The following NECTIN3 variants were observed in gnomAD, a reference collection of about 807,000 sequenced individuals.
The protein encoded by NECTIN3 is nectin-3.
Under a neutral mutation model 49.4 loss-of-function variants are expected in NECTIN3, and 8 were observed. The observed-to-expected ratio is 0.16, with a 90% CI of 0.10 to 0.29. The LOEUF (loss-of-function observed/expected upper bound fraction) is 0.29, where lower values mean the gene tolerates loss of function less well. Among genes scored for constraint, NECTIN3 ranks in the 10% least tolerant of loss-of-function variants. The pLI, the probability that NECTIN3 is intolerant of heterozygous loss-of-function variation, is 1.00. For synonymous variants in NECTIN3, 277 were observed against 241.1 expected, an observed-to-expected ratio of 1.15 and a Z score of -1.38; for missense variants, 581 against 654.6, an observed-to-expected ratio of 0.89 and a Z score of 1.23.
At chr3:111,100,832 A>G (rs1309381581) in intron 1 of NECTIN3, among the ~76,000 whole-genome samples, 1 of 151,168 alleles carries the variant, frequency 6.6e-6, no homozygotes, top group Non-Finnish European at 1.5e-5. Flanking sequence ...TGTTATGAAA[A>G]CTCTGTCTCT....
chr3:111,087,067 A>C (rs982742599), intron 1 of NECTIN3, among the ~76,000 whole-genome samples: 3 of 152,108 alleles, frequency 2.0e-5, no homozygotes, highest in Admixed American at 1.3e-4. Flanking sequence ...AATGCAATCC[A>C]TTTTGGTACT....
intron 5 of NECTIN3, among the ~76,000 whole-genome samples, chr3:111,143,255 T>G (rs974755036): frequency 2.0e-5 from 3 of 151,854 alleles, no homozygotes; most frequent in Admixed American, 2.0e-4. Flanking sequence ...ATTAGAAAAT[T>G]GAGCAACAAT....
In NECTIN3 at chr3:111,130,609, G is replaced by C. The variant is rs1474728199; in HGVS notation, c.1070-3026G>C. ...GTAAAATAAATGCATCTTAGGACTA[G>C]AGATGAAAAGTTCTGCTCAGAACAG... On this transcript the variant is annotated intron_variant, in intron 5 of 5. Transcript: ENST00000485303. Among the ~76,000 whole-genome samples, 3 of 152,198 alleles carry C rather than the reference G, an allele frequency of 2.0e-5. No individual in the cohort carries two copies. In the East Asian group the frequency reaches 5.8e-4, roughly 29 times the overall value.
At chr3:111,141,462 T>C (rs2034743273), downstream of NECTIN3, among the ~76,000 whole-genome samples, 1 of 151,790 alleles carries the variant, frequency 6.6e-6, no homozygotes, top group Non-Finnish European at 1.5e-5. Context: ...ATGATAAAAA[T>C]ACTTCAATTT....
At chr3:111,082,465 T>C (rs1448084873) in intron 1 of NECTIN3, among the ~76,000 whole-genome samples, 1 of 152,076 alleles carries the variant, frequency 6.6e-6, no homozygotes, top group African/African-American at 2.4e-5. Context: ...TTGAGGTATT[T>C]TGATTGGATA....
In NECTIN3 at chr3:111,134,457, C is replaced by G. The variant is rs983677577; in HGVS notation, c.*242C>G. ...AAGATTTAAATTTTAATGCAGAGTA[C>G]TTTATTGGTGTGAGGCACACAGGTA... On this transcript the variant is annotated 3_prime_UTR_variant, in exon 6 of 6. Transcript: ENST00000485303. The G allele has an allele frequency of 6.0e-6, 7 of 1,167,150 alleles. No homozygotes were observed. Among genetic ancestry groups the G allele is most frequent in the Non-Finnish European group, 7.4e-6 (7 of 944,914 alleles). 72.3% of individuals were successfully genotyped at this position (1,167,150 alleles called of 1,614,324 possible).
downstream of NECTIN3, among the ~76,000 whole-genome samples, chr3:111,140,941 A>G (rs564443849): frequency 1.3e-4 from 20 of 152,012 alleles, no homozygotes; most frequent in African/African-American, 4.1e-4. Flanking sequence ...TAATATTTCT[A>G]TACTTCCTGG....
chr3:111,104,630 C>T (rs888331078), intron 1 of NECTIN3, among the ~76,000 whole-genome samples: 6 of 151,982 alleles, frequency 3.9e-5, no homozygotes, highest in East Asian at 1.9e-4. Context: ...CTCTTTTGCT[C>T]ATGTTTTATT....
At chr3:111,077,267 C>T in intron 1 of NECTIN3, 4 of 413,676 alleles carry the variant, frequency 9.7e-6, no homozygotes, top group South Asian at 5.3e-5. Context: ...GTAGGGAAGA[C>T]CTGTTGCATT....
At chr3:111,174,813 G>T (rs1187066116) in intron 7 of NECTIN3, among the ~76,000 whole-genome samples, 1 of 152,172 alleles carries the variant, frequency 6.6e-6, no homozygotes, top group African/African-American at 2.4e-5. Context: ...TAGCCCTGCT[G>T]TCTGTAGACG....
At chr3:111,174,684 T>C (rs2107528561) in intron 7 of NECTIN3, among the ~76,000 whole-genome samples, 1 of 139,968 alleles carries the variant, frequency 7.1e-6, no homozygotes, top group South Asian at 2.4e-4. Flanking sequence ...GGTTGTGGCT[T>C]GCCTGTTCCA....
At chr3:111,079,026 G>A (rs767710590) in intron 1 of NECTIN3, among the ~76,000 whole-genome samples, 1 of 152,064 alleles carries the variant, frequency 6.6e-6, no homozygotes, top group African/African-American at 2.4e-5. Flanking sequence ...GCAGGGCTAG[G>A]ACTCCAACTA....
rs547821684 is a variant in NECTIN3 at position 111,107,394 on chromosome 3, C to G, written c.161-4636C>G. Among the ~76,000 whole-genome samples, 64 of 152,124 alleles carry G rather than the reference C, an allele frequency of 4.2e-4. 1 individual carries two copies. The highest frequency in any genetic ancestry group is 2.9e-5 in the Non-Finnish European group (2 of 67,958). On this transcript the variant is annotated intron_variant, in intron 1 of 5. Coordinates refer to ENST00000485303, the MANE Select transcript of NECTIN3 (RefSeq NM_015480.3). ...CAATTTAATTAATTAGCTAATGATA[C>G]AAAACTAAACTTTTAAATCAGGAAG...
chr3:111,153,348 GAAATATTAAAAATCT>G (rs1304631393), intron 7 of NECTIN3, among the ~76,000 whole-genome samples: 10 of 151,694 alleles, frequency 6.6e-5, no homozygotes, highest in Non-Finnish European at 1.5e-5. Context: ...AAAGCAAAAA[GAAATATTAAAAATCT>G]AAATATCTAA....
At chr3:111,128,174 C>T (rs2034242900) in intron 5 of NECTIN3, among the ~76,000 whole-genome samples, 1 of 151,848 alleles carries the variant, frequency 6.6e-6, no homozygotes, top group African/African-American at 2.4e-5. Flanking sequence ...CCTGTCTCTA[C>T]TAAAAATACA....
At chr3:111,091,144 G>GACA (rs2032243446) in intron 1 of NECTIN3, among the ~76,000 whole-genome samples, 2 of 151,946 alleles carry the variant, frequency 1.3e-5, no homozygotes, top group Admixed American at 6.6e-5. Flanking sequence ...TTACCTCACT[G>GACA]CTCCTAACAC....
Position 111,179,620 on chromosome 3 carries a change from C to T in NECTIN3, c.1222-12731C>T, listed in dbSNP as rs139183998. On this transcript the variant is annotated intron_variant, in intron 7 of 8. Transcript: ENST00000493615. ...ATAAGATCTAGGCAAACTGGCTGGG[C>T]GCGGTGGCTCACACCTGTAATCCCA... Among the ~76,000 whole-genome samples the T allele has an allele frequency of 2.5e-3, 380 of 152,114 alleles. 3 individuals carry two copies. Among genetic ancestry groups the T allele is most frequent in the South Asian group, 0.011 (54 of 4,810 alleles).
intron 1 of NECTIN3, among the ~76,000 whole-genome samples, chr3:111,092,554 T>A (rs1243259662): frequency 6.6e-6 from 1 of 152,188 alleles, no homozygotes; most frequent in East Asian, 1.9e-4. Flanking sequence ...GAAAAGATTA[T>A]TCTTTTCCCA....
chr3:111,116,227 A>G (rs942811480), intron 2 of NECTIN3, among the ~76,000 whole-genome samples: 2 of 152,200 alleles, frequency 1.3e-5, no homozygotes, highest in Non-Finnish European at 2.9e-5. Context: ...AGAAGAACTC[A>G]GGCAGAGTAA....
Sources: gnomAD v4.1 joint callset for allele counts (sites outside exome capture counted in the v4.1 genomes callset) on GRCh38, gnomAD v4.1.1 for gene constraint, MANE v1.5 for transcripts, NCBI Gene and HGNC (gene_info 2026-07-23, HGNC 2026-07-21) for gene names.